ZBBX: variants seen among roughly 807,000 people sequenced by gnomAD.
ZBBX encodes zinc finger B-box domain-containing protein 1.
A neutral mutation model predicts 108.5 loss-of-function variants in ZBBX; 101 were observed. The ratio of observed to expected loss-of-function variants is 0.93; its 90% CI spans 0.79 to 1.10. The LOEUF is 1.10. Ranked by LOEUF, ZBBX falls within the 50% of genes least tolerant of loss-of-function variation. The probability of loss-of-function intolerance (pLI) is 0.00; values close to 1 mark genes in which losing one functional copy is unlikely to be tolerated. For missense variants in ZBBX, 1,009 were observed against 941.4 expected (o/e 1.07, Z -0.94); for synonymous variants, 356 against 323.4 (o/e 1.10, Z -1.08).
chr3:167,182,361 A>C, the ZBBX span, among the ~76,000 whole-genome samples: 1 of 152,274 alleles, frequency 6.6e-6, no homozygotes, highest in Admixed American at 6.5e-5. Context: ...AAAGCTAGTA[A>C]CCGCAACACT....
chr3:167,404,382 A>G (rs754389128), intron 1 of ZBBX, among the ~76,000 whole-genome samples: 1 of 152,200 alleles, frequency 6.6e-6, no homozygotes, highest in African/African-American at 2.4e-5. Flanking sequence ...AGGAAATTGT[A>G]TTACGAATAA....
intron 17 of ZBBX, among the ~76,000 whole-genome samples, chr3:167,299,033 T>G (rs1463046786): frequency 6.6e-6 from 1 of 152,046 alleles, no homozygotes; most frequent in Non-Finnish European, 1.5e-5. Context: ...TCTGCCTGAT[T>G]TGAAACCTAG....
At chr3:167,289,767 C>G (rs186463033) in intron 18 of ZBBX, among the ~76,000 whole-genome samples, 8 of 152,242 alleles carry the variant, frequency 5.3e-5, no homozygotes, top group Middle Eastern at 3.4e-3. Context: ...GGGGGTGAAG[C>G]CAGGGAGCCA....
At chr3:167,183,055 G>T in the ZBBX span, among the ~76,000 whole-genome samples, 6 of 152,168 alleles carry the variant, frequency 3.9e-5, no homozygotes, top group African/African-American at 1.4e-4. Flanking sequence ...CTCTGGAAAA[G>T]AAAGATCTGG....
At position 167,282,334 on chromosome 3, in the gene ZBBX, T is replaced by C. The variant is rs1728957910; in HGVS notation, c.2158A>G (p.Ile720Val). ...SEISEIEYID[I>V]TDQNELSLDD... ...AAGGAAAGCTCATTCTGGTCAGTAATATCAATATATTCAATTTCTGAAATT... is the reference window on the plus strand; with the variant it reads ...AAGGAAAGCTCATTCTGGTCAGTAACATCAATATATTCAATTTCTGAAATT... Residue 720 changes from isoleucine (I) to valine (V), a missense_variant, in exon 20 of 22, where the codon ATT becomes GTT. Coordinates refer to ENST00000675490, the MANE Select transcript of ZBBX (RefSeq NM_001199201.2). 2 of 1,613,918 alleles carry C rather than the reference T, an allele frequency of 1.2e-6. No individual in the cohort carries two copies. The highest frequency in any genetic ancestry group is 1.6e-4 in the Middle Eastern group (1 of 6,082).
chr3:167,298,844 G>T (rs1487327748), intron 17 of ZBBX, among the ~76,000 whole-genome samples: 2 of 151,910 alleles, frequency 1.3e-5, no homozygotes, highest in African/African-American at 4.8e-5. Flanking sequence ...TTTCAAAACT[G>T]AAGGTGAAAT....
intron 20 of ZBBX, among the ~76,000 whole-genome samples, chr3:167,252,646 T>C (rs1227354177): frequency 1.3e-5 from 2 of 151,886 alleles, no homozygotes; most frequent in African/African-American, 2.4e-5. Context: ...CCTTCTGCTG[T>C]TGGACATCAG....
chr3:167,279,671 C>T (rs1177367374), intron 20 of ZBBX, among the ~76,000 whole-genome samples: 3 of 151,934 alleles, frequency 2.0e-5, no homozygotes, highest in African/African-American at 7.3e-5. Context: ...GGCCATACTG[C>T]CCAAGGTAAT....
chr3:167,304,045 G>A (rs1323917919), intron 17 of ZBBX, among the ~76,000 whole-genome samples: 1 of 151,890 alleles, frequency 6.6e-6, no homozygotes, highest in East Asian at 1.9e-4. Context: ...AATATATTTC[G>A]AATGTTAGAA....
At chr3:167,280,391 T>C (rs972051369) in intron 20 of ZBBX, among the ~76,000 whole-genome samples, 5 of 150,134 alleles carry the variant, frequency 3.3e-5, no homozygotes, top group African/African-American at 7.3e-5. Flanking sequence ...TACAATGAAC[T>C]CAAACAAATT....
Position 167,314,036 on chromosome 3 carries a change from T to C in ZBBX, c.1355A>G (p.Lys452Arg). ...CAGACAAAGATTTAAGAAGTCTCTC[T>C]TTCCCTTATCGAAAACATGATGTTG... ...IHQHHVFDKG[K>R]RDFLNLCLRN... Residue 452 changes from lysine to arginine, a missense_variant, in exon 16 of 22, where the codon AAG (lysine) becomes AGG (arginine). By Grantham distance (26) the Lys-to-Arg change is conservative. Transcript: ENST00000675490. 1 of 1,608,218 alleles carries C rather than the reference T, an allele frequency of 6.2e-7. No homozygotes were observed. The highest frequency in any genetic ancestry group is 8.5e-7 in the Non-Finnish European group (1 of 1,177,096).
chr3:167,268,612 A>C (rs1725982291), intron 20 of ZBBX, among the ~76,000 whole-genome samples: 1 of 152,180 alleles, frequency 6.6e-6, no homozygotes, highest in Admixed American at 6.5e-5. Flanking sequence ...TGAAGGACCA[A>C]ACGAGACAAT....
Position 167,267,348 on chromosome 3 carries a change from T to C in ZBBX, c.2254+14890A>G, listed in dbSNP as rs981946525. The stretch of plus-strand genomic sequence containing the variant: ...GCAAGAGATTCCTCATACAAGGGAA[T>C]TGAGCGTTAATAAGCCTCCAGGGAA... On this transcript the variant is annotated intron_variant, in intron 20 of 21. Transcript: ENST00000675490. 3.9e-5 allele frequency among the ~76,000 whole-genome samples: 6 copies of C among 152,256 alleles called. No individual in the cohort carries two copies. The South Asian group carries it at 1.0e-3, about 26-fold the overall frequency.
chr3:167,251,524 C>G (rs911415615), intron 20 of ZBBX, among the ~76,000 whole-genome samples: 5 of 152,134 alleles, frequency 3.3e-5, no homozygotes, highest in African/African-American at 1.2e-4. Context: ...AGCCACACCC[C>G]CATCGCACGC....
chr3:167,364,660 C>T (rs187421560), intron 6 of ZBBX, among the ~76,000 whole-genome samples: 6 of 152,006 alleles, frequency 3.9e-5, no homozygotes, highest in African/African-American at 7.2e-5. Flanking sequence ...GGAAAAGAAG[C>T]GAAACTGTTG....
chr3:167,198,819 T>C, the ZBBX span, among the ~76,000 whole-genome samples: 1 of 152,208 alleles, frequency 6.6e-6, no homozygotes, highest in Non-Finnish European at 1.5e-5. Context: ...ATCCAAGGAT[T>C]ATCTTTGTCA....
the ZBBX span, among the ~76,000 whole-genome samples, chr3:167,180,401 C>A: frequency 3.9e-5 from 6 of 152,168 alleles, no homozygotes; most frequent in Admixed American, 1.3e-4. Flanking sequence ...CGAATGGTTA[C>A]TTTCTGTGGC....
intron 15 of ZBBX, among the ~76,000 whole-genome samples, chr3:167,315,492 A>C (rs1204108081): frequency 6.6e-6 from 1 of 152,202 alleles, no homozygotes. Flanking sequence ...CCCTAAGTTC[A>C]GAAGAATGTA....
the ZBBX span, among the ~76,000 whole-genome samples, chr3:167,225,200 C>A: frequency 4.0e-5 from 6 of 151,880 alleles, no homozygotes; most frequent in Non-Finnish European, 1.5e-5. Flanking sequence ...GGCCCCAGCT[C>A]AAAACTGAGT....
Sources: gnomAD v4.1 joint callset for allele counts (sites outside exome capture counted in the v4.1 genomes callset) on GRCh38, gnomAD v4.1.1 for gene constraint, MANE v1.5 for transcripts, NCBI Gene and HGNC (gene_info 2026-07-23, HGNC 2026-07-21) for gene names.